The following PRMT8 variants were observed in gnomAD, a reference collection of about 807,000 sequenced individuals.
PRMT8 encodes the protein protein arginine methyltransferase 8.
Under a neutral mutation model 47.1 loss-of-function variants are expected in PRMT8, and 7 were observed. That is an observed-to-expected ratio of 0.15 (90% CI 0.08 to 0.28). The LOEUF (loss-of-function observed/expected upper bound fraction) is 0.28. PRMT8 is among the 10% of genes least tolerant of loss of function. The probability of loss-of-function intolerance (pLI) is 1.00; values close to 1 mark genes in which losing one functional copy is unlikely to be tolerated. For synonymous variants in PRMT8, 188 were observed against 186.5 expected (o/e 1.01, Z -0.07); for missense variants, 237 against 505.4 (o/e 0.47, Z 5.09).
chr12:3,496,976 G>A (rs1208988200), intron 1 of PRMT8, among the ~76,000 whole-genome samples: 1 of 149,520 alleles, frequency 6.7e-6, no homozygotes, highest in Admixed American at 6.7e-5. Flanking sequence ...TTGGCTTTTG[G>A]CTGTCAAAGA....
At position 3,583,219 on chromosome 12, in the gene PRMT8, T is replaced by C; in HGVS notation, c.979+11T>C. On this transcript the variant is annotated intron_variant, in intron 8 of 9. Coordinates refer to ENST00000382622, the MANE Select transcript of PRMT8 (RefSeq NM_019854.5). The surrounding 1 kb of genome is among the most constrained non-coding windows in gnomAD (Gnocchi z 4.7). Reference sequence around the variant, plus strand: ...TGGGGTTTTCCACAGGTGAGCTGTTTGTTGCTTCCCAGAGCCTCCTCCCTC... The same window carrying C: ...TGGGGTTTTCCACAGGTGAGCTGTTCGTTGCTTCCCAGAGCCTCCTCCCTC... The C allele has an allele frequency of 6.2e-7, 1 of 1,605,484 alleles. No individual in the cohort carries two copies. The highest frequency in any genetic ancestry group is 8.5e-7 in the Non-Finnish European group (1 of 1,175,686).
At chr12:3,517,592 C>T (rs908286376) in intron 1 of PRMT8, among the ~76,000 whole-genome samples, 5 of 152,124 alleles carry the variant, frequency 3.3e-5, no homozygotes, top group Non-Finnish European at 7.3e-5. Flanking sequence ...TGGAAGAAAC[C>T]TCCGGTAAGC....
chr12:3,553,847 C>T (rs896904029), intron 4 of PRMT8, 133 bp downstream of exon 4: 5 of 808,564 alleles, frequency 6.2e-6, no homozygotes, highest in East Asian at 5.2e-5. Context: ...CTGAGGCCCC[C>T]GCCAGCAAGA....
intron 2 of PRMT8, among the ~76,000 whole-genome samples, chr12:3,542,403 T>C (rs1424389116): frequency 6.6e-6 from 1 of 152,170 alleles, no homozygotes; most frequent in Non-Finnish European, 1.5e-5. Context: ...TGCTCTCCAC[T>C]GGGCTAGGGA....
At chr12:3,545,006 T>C (rs1456042404) in intron 2 of PRMT8, among the ~76,000 whole-genome samples, 1 of 152,254 alleles carries the variant, frequency 6.6e-6, no homozygotes, top group Non-Finnish European at 1.5e-5. Flanking sequence ...GTCGTTATTT[T>C]GCCTCCATTC....
intron 4 of PRMT8, among the ~76,000 whole-genome samples, chr12:3,560,724 T>A (rs1331576437): frequency 1.3e-5 from 2 of 152,198 alleles, no homozygotes; most frequent in Non-Finnish European, 2.9e-5. Context: ...ATAAATGTCA[T>A]AGCTACAAGA....
In PRMT8 at chr12:3,491,444, TAAAA is replaced by T; in HGVS notation, c.-181_-178del. ...CGGAGCAGATGAGAAGGGAGGAAAA[TAAAA>T]GAAAGTGGAGACTGCAGAACAGACT... On this transcript the variant is annotated 5_prime_UTR_variant, in exon 1 of 10. In the 5' UTR this introduces an upstream ATG that the reference lacks. Transcript: ENST00000382622. The T allele has an allele frequency of 7.2e-7, 1 of 1,380,506 alleles. No homozygotes were observed. The allele number at this position is 1,380,506 out of a possible 1,614,324, so 85.5% of individuals were successfully genotyped here.
rs564251128 is a variant in PRMT8 at position 3,583,540 on chromosome 12, T to A, written c.979+332T>A. Reference sequence around the variant, plus strand: ...TTCTGAGCACATTCTGTGTGGTGGGTATGGATGGAGTTGAATAAGCCTAGT... The same window carrying A: ...TTCTGAGCACATTCTGTGTGGTGGGAATGGATGGAGTTGAATAAGCCTAGT... On this transcript the variant is annotated intron_variant, in intron 8 of 9. Transcript: ENST00000382622. The surrounding 1 kb of genome is among the most constrained non-coding windows in gnomAD (Gnocchi z 4.7). 3.3e-4 allele frequency among the ~76,000 whole-genome samples: 51 copies of A among 152,300 alleles called. 1 individual carries two copies. The highest frequency in any genetic ancestry group is 1.2e-3 in the African/African-American group (48 of 41,564).
At chr12:3,478,137 G>T (rs920996574) in intron 1 of PRMT8, among the ~76,000 whole-genome samples, 1 of 152,148 alleles carries the variant, frequency 6.6e-6, no homozygotes, top group African/African-American at 2.4e-5. Flanking sequence ...ACAGGACAGG[G>T]CCTGGGTGAG....
chr12:3,382,665 TA>T (rs1424431132), intron 1 of PRMT8, among the ~76,000 whole-genome samples: 1 of 152,220 alleles, frequency 6.6e-6, no homozygotes, highest in Non-Finnish European at 1.5e-5. Context: ...GTTTGTGGGT[TA>T]TTTTTTTCAT....
chr12:3,466,142 T>C (rs1865095459), intron 1 of PRMT8, among the ~76,000 whole-genome samples: 2 of 152,232 alleles, frequency 1.3e-5, no homozygotes, highest in East Asian at 3.8e-4. Flanking sequence ...TCGGTTTAAG[T>C]CTGGGCATTG....
chr12:3,483,653 C>T (rs117526698), intron 1 of PRMT8, among the ~76,000 whole-genome samples: 1,988 of 152,260 alleles, frequency 0.013, 26 homozygotes, highest in Non-Finnish European at 0.022. Flanking sequence ...TATGGTCTGT[C>T]GCCATCACTG....
intron 1 of PRMT8, among the ~76,000 whole-genome samples, chr12:3,446,905 A>G (rs749305481): frequency 1.3e-5 from 2 of 152,212 alleles, no homozygotes; most frequent in Non-Finnish European, 2.9e-5. Context: ...ATAAACATTC[A>G]ACCACCTTGA....
chr12:3,529,486 C>G (rs866161736), intron 1 of PRMT8, among the ~76,000 whole-genome samples: 32 of 152,268 alleles, frequency 2.1e-4, no homozygotes, highest in African/African-American at 6.7e-4. Context: ...GCATATTACC[C>G]AGTGGCTGAC....
At chr12:3,543,106 A>AT (rs569415029) in intron 2 of PRMT8, among the ~76,000 whole-genome samples, 97 of 152,366 alleles carry the variant, frequency 6.4e-4, no homozygotes, top group Non-Finnish European at 1.1e-3. Flanking sequence ...CATAGATCAC[A>AT]TTCCTGTCCT....
At chr12:3,421,990 G>T (rs917325351) in intron 1 of PRMT8, among the ~76,000 whole-genome samples, 1 of 152,148 alleles carries the variant, frequency 6.6e-6, no homozygotes, top group Non-Finnish European at 1.5e-5. Context: ...ACTCCCAGGG[G>T]CCAGCCTACA....
intron 1 of PRMT8, among the ~76,000 whole-genome samples, chr12:3,519,677 G>A (rs1380514400): frequency 6.6e-6 from 1 of 152,204 alleles, no homozygotes; most frequent in Admixed American, 6.5e-5. Flanking sequence ...AGGGGCAGCT[G>A]TCAGTAAGGC....
intron 1 of PRMT8, among the ~76,000 whole-genome samples, chr12:3,483,349 A>G (rs1676229389): frequency 1.3e-5 from 2 of 152,178 alleles, no homozygotes; most frequent in Admixed American, 1.3e-4. Flanking sequence ...CCCTCTGTAA[A>G]TGACAGCTGT....
chr12:3,583,747 G>A lies in PRMT8; in HGVS notation c.979+539G>A, dbSNP rs764306156. 7.9e-5 allele frequency among the ~76,000 whole-genome samples: 12 copies of A among 152,154 alleles called. No individual in the cohort carries two copies. The highest frequency in any genetic ancestry group is 1.2e-4 in the Non-Finnish European group (8 of 68,042). On this transcript the variant is annotated intron_variant, in intron 8 of 9. Coordinates refer to ENST00000382622, the MANE Select transcript of PRMT8 (RefSeq NM_019854.5). The surrounding 1 kb of genome is among the most constrained non-coding windows in gnomAD (Gnocchi z 4.7). The stretch of plus-strand genomic sequence containing the variant: ...ACTCCCAAATCCCAGCCCCGCTTAC[G>A]AGGTGCCTCGCTGCCTGCAGTAGAT...
Sources: gnomAD v4.1 joint callset for allele counts (sites outside exome capture counted in the v4.1 genomes callset) on GRCh38, gnomAD v4.1.1 for gene constraint, Gnocchi (gnomAD v3.1) non-coding constraint, MANE v1.5 for transcripts, NCBI Gene and HGNC (gene_info 2026-07-23, HGNC 2026-07-21) for gene names.